The following PAXIP1 variants were observed in gnomAD, a reference collection of about 807,000 sequenced individuals.
The protein encoded by PAXIP1 is PAX interacting protein 1.
Under a neutral mutation model 140.6 loss-of-function variants are expected in PAXIP1, and 19 were observed. The ratio of observed to expected loss-of-function variants is 0.14; its 90% CI spans 0.09 to 0.20. PAXIP1 has a LOEUF of 0.20. PAXIP1 is among the 10% of genes least tolerant of loss of function. The pLI is 1.00. For missense variants in PAXIP1, 920 were observed against 1,208.6 expected, an observed-to-expected ratio of 0.76 and a Z score of 3.54; for synonymous variants, 442 against 444.6, an observed-to-expected ratio of 0.99 and a Z score of 0.07.
chr7:154,967,611 C>T (rs959335658), intron 8 of PAXIP1: 9 of 532,554 alleles, frequency 1.7e-5, no homozygotes, highest in Non-Finnish European at 3.0e-5. Flanking sequence ...AAAAAGTCCA[C>T]CATCTTCATC....
At chr7:154,978,305 A>C (rs1004115301) in intron 5 of PAXIP1, among the ~76,000 whole-genome samples, 12 of 152,212 alleles carry the variant, frequency 7.9e-5, no homozygotes, top group African/African-American at 2.7e-4. Context: ...AACTGCAGTT[A>C]TATTTTATGA....
Position 154,961,035 on chromosome 7 carries a change from T to C in PAXIP1, c.2292A>G (p.Ile764Met). Residue 764 changes from isoleucine to methionine, a missense_variant, in exon 12 of 21, where the codon ATA becomes ATG. Physicochemically the swap from Ile to Met is conservative, Grantham distance 10. Coordinates refer to ENST00000404141, the MANE Select transcript of PAXIP1 (RefSeq NM_007349.4). ...LKYEKAKEWR[I>M]PCVNAQWLGD... ...CAAGCCACTGGGCGTTGACACAGGGTATCCTCCACTCTTTGGCTTTTTCAT... is the reference window on the plus strand; with the variant it reads ...CAAGCCACTGGGCGTTGACACAGGGCATCCTCCACTCTTTGGCTTTTTCAT... 1 of 1,598,642 alleles carries C rather than the reference T, an allele frequency of 6.3e-7. No homozygotes were observed. Among genetic ancestry groups the C allele is most frequent in the Non-Finnish European group, 8.5e-7 (1 of 1,172,196 alleles).
intron 7 of PAXIP1, 143 bp from the exon 8 acceptor site, chr7:154,968,053 T>C (rs2272176): frequency 0.032 from 19,537 of 615,452 alleles, 1,242 homozygotes; most frequent in East Asian, 0.17. Context: ...TCAGAGTGCA[T>C]AGGGAATATT....
At chr7:155,001,895 C>CA (rs1159681962) in intron 1 of PAXIP1, 2 of 152,288 alleles carry the variant, frequency 1.3e-5, no homozygotes, top group African/African-American at 4.8e-5. Context: ...ACAATTCCTT[C>CA]TACACCATCC....
intron 6 of PAXIP1, among the ~76,000 whole-genome samples, chr7:154,970,300 C>T (rs1809238674): frequency 6.6e-6 from 1 of 152,222 alleles, no homozygotes; most frequent in East Asian, 1.9e-4. Context: ...ACCAAAATCT[C>T]AAACATATTC....
chr7:154,948,254 G>GA lies in PAXIP1; in HGVS notation c.2822-252dup, dbSNP rs1003862185. ...TAACCATTTGGGGTCATAAACTCTT[G>GA]AAAAAAACGGGCTGGGTGTGGTGGT... is the stretch of plus-strand genomic sequence containing the variant. On this transcript the variant is annotated intron_variant, in intron 16 of 20. Transcript: ENST00000404141. The GA allele has an allele frequency of 7.3e-5, 31 of 422,188 alleles. No homozygotes were observed. The Admixed American group carries it at 1.0e-3, about 14-fold the overall frequency. 26.2% of individuals were successfully genotyped at this position (422,188 alleles called of 1,614,324 possible). A position where few individuals can be genotyped will look rare whatever the true frequency, so the allele number is the denominator to read the frequency against.
At chr7:154,995,709 G>A (rs954520970) in intron 2 of PAXIP1, among the ~76,000 whole-genome samples, 4 of 152,134 alleles carry the variant, frequency 2.6e-5, no homozygotes, top group Non-Finnish European at 5.9e-5. Context: ...AGTTAGCCGG[G>A]CGTGGTGGCA....
chr7:154,967,045 C>G (rs1322232996), intron 8 of PAXIP1, among the ~76,000 whole-genome samples: 5 of 152,222 alleles, frequency 3.3e-5, no homozygotes, highest in Non-Finnish European at 7.3e-5. Context: ...CTTAACACAT[C>G]ACCCCACAAC....
In PAXIP1 at chr7:154,954,168, A is replaced by AC; in HGVS notation, c.2821+86_2821+87insG. Reference sequence around the variant, plus strand: ...AACTATCACATAGTTTAAAAATTAAATATTTGTTGGGATGAAAAGAGATGA... The same window carrying AC: ...AACTATCACATAGTTTAAAAATTAAACTATTTGTTGGGATGAAAAGAGATGA... On this transcript the variant is annotated intron_variant, in intron 16 of 20. Transcript: ENST00000404141. This position sits in a 1 kb window ranked among gnomAD's most constrained non-coding sequence, Gnocchi z 5.1. 1 of 938,072 alleles carries AC rather than the reference A, an allele frequency of 1.1e-6. No individual in the cohort carries two copies. Among genetic ancestry groups the AC allele is most frequent in the Non-Finnish European group, 1.5e-6 (1 of 665,760 alleles). The allele number at this position is 938,072 out of a possible 1,614,324, so 58.1% of individuals were successfully genotyped here. A position where few individuals can be genotyped will look rare whatever the true frequency, so the allele number is the denominator to read the frequency against.
In PAXIP1 at chr7:154,975,930, C is replaced by A. The variant is rs755315757; in HGVS notation, c.840G>T (p.Arg280Ser). Residue 280 changes from arginine to serine, a missense_variant, in exon 6 of 21, where the codon AGG (arginine) becomes AGT (serine). By Grantham distance (110) the Arg-to-Ser change is moderately radical. Transcript: ENST00000404141. The part of the protein sequence containing the change: ...EVPQLAAAKR[R>S]LPQGKEPGLI... ...ACCCAGGCTCCTTTCCCTGAGGCAG[C>A]CTGCGTTTTGCTGCAGCTAACTGTG... is the stretch of plus-strand genomic sequence containing the variant. The A allele has an allele frequency of 6.2e-6, 10 of 1,613,960 alleles. No individual in the cohort carries two copies. The highest frequency in any genetic ancestry group is 1.7e-5 in the Admixed American group (1 of 60,010).
chr7:154,980,439 G>T (rs959165179), intron 5 of PAXIP1, among the ~76,000 whole-genome samples: 1 of 151,992 alleles, frequency 6.6e-6, no homozygotes, highest in Admixed American at 6.6e-5. Flanking sequence ...TTTTGAAGCA[G>T]GGTCTCACTT....
intron 8 of PAXIP1, among the ~76,000 whole-genome samples, chr7:154,966,374 C>T (rs1033365416): frequency 2.0e-5 from 3 of 152,188 alleles, no homozygotes; most frequent in African/African-American, 7.2e-5. Flanking sequence ...TCCCAGTTGC[C>T]TTATCATGGC....
At chr7:154,995,170 G>A (rs1360157532) in intron 2 of PAXIP1, among the ~76,000 whole-genome samples, 1 of 152,134 alleles carries the variant, frequency 6.6e-6, no homozygotes, top group Non-Finnish European at 1.5e-5. Flanking sequence ...TTCAGAGCCT[G>A]GGGCAATGCA....
At position 154,993,147 on chromosome 7, in the gene PAXIP1, G is replaced by A. The variant is rs186191257; in HGVS notation, c.260+579C>T. On this transcript the variant is annotated intron_variant, in intron 3 of 20. Transcript: ENST00000404141. ...AGAGTAAACAGGAGGCCTGTAGAAC[G>A]CCTCATTTCTGACTCCTGACACAGT... Among the ~76,000 whole-genome samples the A allele has an allele frequency of 7.9e-5, 12 of 152,228 alleles. No individual in the cohort carries two copies. The East Asian group carries it at 2.3e-3, about 29-fold the overall frequency.
intron 8 of PAXIP1, chr7:154,967,461 C>T (rs1452496493): frequency 5.6e-6 from 1 of 179,378 alleles, no homozygotes; most frequent in Non-Finnish European, 1.2e-5. Flanking sequence ...TAACAGTTAC[C>T]TTTGGAGAAA....
chr7:154,976,188 T>A lies in PAXIP1; in HGVS notation c.582A>T (p.Glu194Asp). ...RLIIYEEEEE[E>D]EEEEEEVENE... ...TTTCTACTTCCTCCTCCTCTTCCTC[T>A]TCCTCTTCTTCCTCTTCATAAATAA... The change falls in exon 6 of 21, where the codon GAA (glutamate) becomes GAT (aspartate). Residue 194 changes from glutamate to aspartate, a missense_variant. Glu to Asp is a conservative substitution (Grantham distance 45). Coordinates refer to ENST00000404141, the MANE Select transcript of PAXIP1 (RefSeq NM_007349.4). 1 of 1,609,766 alleles carries A rather than the reference T, an allele frequency of 6.2e-7. No individual in the cohort carries two copies. Among genetic ancestry groups the A allele is most frequent in the Non-Finnish European group, 8.5e-7 (1 of 1,177,268 alleles).
chr7:154,987,195 T>A (rs1216064765), intron 4 of PAXIP1, among the ~76,000 whole-genome samples: 1 of 152,230 alleles, frequency 6.6e-6, no homozygotes, highest in Non-Finnish European at 1.5e-5. Flanking sequence ...CCTTAGCCTG[T>A]GTGATGCTCA....
intron 1 of PAXIP1, chr7:155,002,033 TAAG>T (rs1810926709): frequency 6.6e-6 from 1 of 152,176 alleles, no homozygotes; most frequent in South Asian, 2.1e-4. Flanking sequence ...GCTAAACTTT[TAAG>T]AAGGAAATAT....
chr7:154,954,200 GAA>G lies in PAXIP1; in HGVS notation c.2821+53_2821+54del. ...TTGGGATGAAAAGAGATGAATTCAA[GAA>G]AAAAAAAAGTTTATTTGGCATTAAA... On this transcript the variant is annotated intron_variant, in intron 16 of 20. Coordinates refer to ENST00000404141, the MANE Select transcript of PAXIP1 (RefSeq NM_007349.4). This position sits in a 1 kb window ranked among gnomAD's most constrained non-coding sequence, Gnocchi z 5.1. 1 of 1,121,762 alleles carries G rather than the reference GAA, an allele frequency of 8.9e-7. No homozygotes were observed. Among genetic ancestry groups the G allele is most frequent in the Non-Finnish European group, 1.2e-6 (1 of 844,200 alleles). The allele number at this position is 1,121,762 out of a possible 1,614,324, so 69.5% of individuals were successfully genotyped here. A position where few individuals can be genotyped will look rare whatever the true frequency, so the allele number is the denominator to read the frequency against.
Sources: allele counts gnomAD v4.1 joint callset (sites outside exome capture counted in the v4.1 genomes callset), GRCh38; gene constraint gnomAD v4.1.1; non-coding constraint Gnocchi (gnomAD v3.1); transcripts MANE v1.5; gene names NCBI Gene and HGNC (gene_info 2026-07-23, HGNC 2026-07-21).